Variants in VPS45 observed in about 807,000 individuals in gnomAD.
VPS45 encodes the protein vacuolar protein sorting 45 homolog.
VPS45 carries 35 observed loss-of-function variants against 75.9 expected under a neutral mutation model. The ratio of observed to expected loss-of-function variants is 0.46; its 90% confidence interval spans 0.35 to 0.61. The LOEUF (loss-of-function observed/expected upper bound fraction) is 0.61. Among genes scored for constraint, VPS45 ranks in the 20% least tolerant of loss-of-function variants. The pLI is 0.00. For synonymous variants in VPS45, 220 were observed against 238.2 expected (o/e 0.92, Z 0.70); for missense variants, 559 against 685.9 (o/e 0.81, Z 2.07).
Position 150,077,767 on chromosome 1 carries a change from A to G in VPS45, c.675A>G (p.Pro225=), listed in dbSNP as rs1553798458. 3 of 1,613,176 alleles carry G rather than the reference A, an allele frequency of 1.9e-6. No individual in the cohort carries two copies. Among genetic ancestry groups the G allele is most frequent in the South Asian group, 1.1e-5 (1 of 91,066 alleles). Residue 225 remains proline, a synonymous_variant, in exon 7 of 15, where the codon CCA becomes CCG. Transcript: ENST00000644510. The part of the protein sequence containing the change: ...ILDRCDDAIT[P]LLNQWTYQAM... ...ATCGCTGTGATGATGCCATCACCCC[A>G]TTGCTAAACCAGGTACAAAACCCTT... is the stretch of plus-strand genomic sequence containing the variant.
chr1:150,086,472 A>C (rs1656019656), intron 10 of VPS45, among the ~76,000 whole-genome samples: 1 of 151,744 alleles, frequency 6.6e-6, no homozygotes, highest in African/African-American at 2.4e-5. Context: ...CTGATTTCAG[A>C]AAAGTGTTTG....
intron 14 of VPS45, among the ~76,000 whole-genome samples, chr1:150,138,988 C>T (rs904973364): frequency 6.6e-6 from 1 of 152,108 alleles, no homozygotes; most frequent in Non-Finnish European, 1.5e-5. Flanking sequence ...GCTTTACCTT[C>T]AAAATACACC....
intron 13 of VPS45, among the ~76,000 whole-genome samples, chr1:150,105,113 CT>C (rs1657246903): frequency 1.3e-5 from 2 of 152,064 alleles, no homozygotes; most frequent in African/African-American, 4.8e-5. Context: ...TGTTTTTTGA[CT>C]TTTTAATAAA....
chr1:150,135,227 AT>A (rs1185195311), intron 14 of VPS45, among the ~76,000 whole-genome samples: 1 of 152,122 alleles, frequency 6.6e-6, no homozygotes, highest in African/African-American at 2.4e-5. Context: ...TTTATGAAAA[AT>A]AATATAAAAT....
chr1:150,072,516 GCATGGTGGCA>G (rs1465817836), intron 3 of VPS45, among the ~76,000 whole-genome samples: 3 of 152,106 alleles, frequency 2.0e-5, no homozygotes, highest in African/African-American at 7.2e-5. Context: ...GATTAGCTGG[GCATGGTGGCA>G]CATGCCTGTA....
At position 150,068,725 on chromosome 1, in the gene VPS45, G is replaced by T. The variant is rs1048309972; in HGVS notation, c.189G>T (p.Met63Ile). The change falls in exon 2 of 15, where the codon ATG (methionine) becomes ATT (isoleucine). Residue 63 changes from methionine to isoleucine, a missense_variant. Transcript: ENST00000644510. ...ERIDSQNREI[M>I]KHLKAICFLR... ...TTGATTCTCAAAATCGAGAGATCAT[G>T]AAACACCTGAAGGCAATTTGTTTTC... The T allele has an allele frequency of 1.2e-5, 19 of 1,612,864 alleles. No individual in the cohort carries two copies. Among genetic ancestry groups the T allele is most frequent in the Non-Finnish European group, 1.5e-5 (18 of 1,179,470 alleles).
intron 14 of VPS45, among the ~76,000 whole-genome samples, chr1:150,118,446 C>T (rs1391911751): frequency 2.6e-5 from 4 of 151,910 alleles, no homozygotes; most frequent in African/African-American, 9.7e-5. Context: ...TGCTCTGTCG[C>T]CCAGGCTGGA....
At chr1:150,093,010 A>AT (rs587680080) in intron 12 of VPS45, among the ~76,000 whole-genome samples, 148,398 of 148,486 alleles carry the variant, frequency 1, 74,155 homozygotes, top group Middle Eastern at 1. Context: ...CACCCGGCTA[A>AT]TTTTTTTTTG....
chr1:150,090,438 G>T (rs1210624388), intron 10 of VPS45, among the ~76,000 whole-genome samples: 4 of 151,558 alleles, frequency 2.6e-5, no homozygotes, highest in African/African-American at 9.7e-5. Context: ...CCACATATTT[G>T]TTCCTGAAAA....
intron 10 of VPS45, among the ~76,000 whole-genome samples, chr1:150,086,123 AT>A (rs1553800610): frequency 6.6e-6 from 1 of 152,124 alleles, no homozygotes; most frequent in Non-Finnish European, 1.5e-5. Flanking sequence ...CTCAATAAAT[AT>A]TTATTAGAAA....
At chr1:150,079,245 C>T (rs1655562891) in intron 7 of VPS45, among the ~76,000 whole-genome samples, 1 of 151,886 alleles carries the variant, frequency 6.6e-6, no homozygotes, top group African/African-American at 2.4e-5. Context: ...ACCTTTGTGT[C>T]TCTCTCATGT....
At chr1:150,126,962 A>T (rs1051332809) in intron 14 of VPS45, among the ~76,000 whole-genome samples, 1 of 152,202 alleles carries the variant, frequency 6.6e-6, no homozygotes, top group Non-Finnish European at 1.5e-5. Flanking sequence ...TGCATAATTC[A>T]ATGTTATTTA....
intron 13 of VPS45, among the ~76,000 whole-genome samples, chr1:150,105,257 T>C (rs1245450227): frequency 2.6e-5 from 4 of 152,156 alleles, no homozygotes; most frequent in African/African-American, 7.2e-5. Flanking sequence ...TTCAACATAC[T>C]GAAAGCCCTA....
chr1:150,142,203 A>T (rs1462572181), intron 14 of VPS45, among the ~76,000 whole-genome samples: 5 of 152,090 alleles, frequency 3.3e-5, no homozygotes, highest in Admixed American at 2.6e-4. Flanking sequence ...ACAGAGGAGG[A>T]TCTTTATTTC....
chr1:150,094,212 G>A (rs1371424494), intron 13 of VPS45, among the ~76,000 whole-genome samples: 4 of 151,998 alleles, frequency 2.6e-5, no homozygotes, highest in Non-Finnish European at 5.9e-5. Context: ...ACTTATTTAG[G>A]CCAACCTGAA....
chr1:150,108,132 G>A (rs1487135321), intron 13 of VPS45, among the ~76,000 whole-genome samples: 2 of 152,210 alleles, frequency 1.3e-5, no homozygotes, highest in Non-Finnish European at 2.9e-5. Context: ...CAGACTTAGG[G>A]AAGATTGGGG....
chr1:150,082,525 A>AAC (rs1327768831), intron 9 of VPS45, among the ~76,000 whole-genome samples, 191 bp from the exon 10 acceptor site: 3 of 151,730 alleles, frequency 2.0e-5, no homozygotes, highest in South Asian at 2.1e-4. Context: ...AAAAAAAAAA[A>AAC]AAAACTCAGT....
intron 14 of VPS45, among the ~76,000 whole-genome samples, chr1:150,129,716 A>G (rs116118634): frequency 0.022 from 3,273 of 150,802 alleles, 99 homozygotes; most frequent in African/African-American, 0.074. Flanking sequence ...ACCACACCCA[A>G]ATAATTTTTG....
chr1:150,089,344 T>A (rs915560875), intron 10 of VPS45, among the ~76,000 whole-genome samples: 2 of 152,122 alleles, frequency 1.3e-5, no homozygotes, highest in Admixed American at 6.5e-5. Flanking sequence ...CTTTTCTTTT[T>A]AAAAAAATTT....
Sources: gnomAD v4.1 joint callset for allele counts (sites outside exome capture counted in the v4.1 genomes callset) on GRCh38, gnomAD v4.1.1 for gene constraint, MANE v1.5 for transcripts, NCBI Gene and HGNC (gene_info 2026-07-23, HGNC 2026-07-21) for gene names.